The following ANKRD36 variants were observed in gnomAD, a reference collection of about 807,000 sequenced individuals.
The protein encoded by ANKRD36 is ankyrin repeat domain 36, also known as ankyrin repeat domain-containing protein 36A.
A neutral mutation model predicts 278.1 loss-of-function variants in ANKRD36; 179 were observed. The ratio of observed to expected loss-of-function variants is 0.64; its 90% CI spans 0.57 to 0.73. The LOEUF is 0.73. Ranked by LOEUF, ANKRD36 falls within the 30% of genes least tolerant of loss-of-function variation. The pLI is 0.00. For missense variants in ANKRD36, 1,159 were observed against 1,956.7 expected (o/e 0.59, Z 7.69); for synonymous variants, 320 against 641.1 (o/e 0.50, Z 7.57).
chr2:97,259,016 G>A (rs1294160384), intron 75 of ANKRD36, among the ~76,000 whole-genome samples: 1 of 144,296 alleles, frequency 6.9e-6, no homozygotes, highest in African/African-American at 2.4e-5. Context: ...TGGGTTGTTT[G>A]ATTGAGTCCC....
Position 97,193,056 on chromosome 2 carries a change from A to C in ANKRD36, c.2449+3A>C. On this transcript the variant is annotated splice_donor_region_variant and intron_variant, in intron 38 of 75. Coordinates refer to ENST00000420699, the MANE Select transcript of ANKRD36 (RefSeq NM_001354587.1). The stretch of plus-strand genomic sequence containing the variant: ...GGATGGAGAAAAATCTAGGACAGGT[A>C]ATTTTGAAAAGAGATTTAATGTCAT... 9.1e-6 allele frequency: 14 copies of C among 1,545,278 alleles called. No homozygotes were observed. The highest frequency in any genetic ancestry group is 1.1e-5 in the Non-Finnish European group (13 of 1,143,764).
intron 64 of ANKRD36, among the ~76,000 whole-genome samples, chr2:97,218,119 T>TA (rs1473889388): frequency 6.6e-6 from 1 of 151,166 alleles, no homozygotes; most frequent in African/African-American, 2.4e-5. Context: ...TATGAATATT[T>TA]AGTTTTTTTC....
chr2:97,170,797 C>T (rs373272575), intron 22 of ANKRD36, among the ~76,000 whole-genome samples: 1 of 151,628 alleles, frequency 6.6e-6, no homozygotes, highest in Admixed American at 6.6e-5. Flanking sequence ...TTGCAACCTA[C>T]TCATCTGACA....
intron 6 of ANKRD36, among the ~76,000 whole-genome samples, chr2:97,141,667 A>G (rs140636580): frequency 0.58 from 78,607 of 136,368 alleles, 26,173 homozygotes; most frequent in Non-Finnish European, 0.77. Flanking sequence ...TAGTTATTCA[A>G]ATGAAATAAA....
intron 6 of ANKRD36, among the ~76,000 whole-genome samples, chr2:97,137,580 CAT>C (rs1046202431): frequency 8.8e-5 from 9 of 101,734 alleles, no homozygotes; most frequent in South Asian, 2.4e-4. Flanking sequence ...AGCCACTGTA[CAT>C]ATATATATAT....
intron 34 of ANKRD36, among the ~76,000 whole-genome samples, chr2:97,190,442 A>T (rs1486392405): frequency 6.6e-6 from 1 of 150,558 alleles, no homozygotes; most frequent in African/African-American, 2.4e-5. Flanking sequence ...GCAAACAGAT[A>T]TCCAAGGTGA....
intron 1 of ANKRD36, among the ~76,000 whole-genome samples, chr2:97,114,480 C>G (rs1400272988): frequency 7.6e-6 from 1 of 131,352 alleles, no homozygotes; most frequent in Non-Finnish European, 1.6e-5. Context: ...CAGCTGGTTT[C>G]CAATCACTCA....
In ANKRD36 at chr2:97,181,638, C is replaced by A. The variant is rs1238958690; in HGVS notation, c.1764+12C>A. On this transcript the variant is annotated intron_variant, in intron 25 of 75. Transcript: ENST00000420699. ...AACCAGCTGAGAAGGTAATTAAAGT[C>A]TCATTTATATGTTGAACTATTAACT... 2.5e-6 allele frequency: 4 copies of A among 1,602,462 alleles called. No homozygotes were observed. The Admixed American group carries it at 6.7e-5, about 27-fold the overall frequency.
chr2:97,220,789 T>TTTTTTTA (rs2067376044), intron 66 of ANKRD36, among the ~76,000 whole-genome samples: 1 of 127,152 alleles, frequency 7.9e-6, no homozygotes, highest in Non-Finnish European at 1.6e-5. Flanking sequence ...TTTTTTTTTT[T>TTTTTTTA]ATTATACTCT....
chr2:97,113,803 G>T lies in ANKRD36; in HGVS notation c.64G>T (p.Ala22Ser), dbSNP rs769807920. The T allele has an allele frequency of 2.2e-5, 35 of 1,612,826 alleles. No individual in the cohort carries two copies. The highest frequency in any genetic ancestry group is 1.2e-4 in the South Asian group (11 of 90,918). Residue 22 changes from alanine to serine, a missense_variant, in exon 1 of 76, where the codon GCA becomes TCA. Physicochemically the swap from Ala to Ser is moderately conservative, Grantham distance 99. Transcript: ENST00000420699. ...GGAGCGCTTGTGCTCGGATGGCTTC[G>T]CATTTCCCCAATACCCCATTAAACC... is the stretch of plus-strand genomic sequence containing the variant. ...LMERLCSDGF[A>S]FPQYPIKPYH...
intron 52 of ANKRD36, 22 bp downstream of exon 52, chr2:97,206,157 A>T (rs2062795348): frequency 6.6e-7 from 1 of 1,522,118 alleles, no homozygotes; most frequent in African/African-American, 1.4e-5. Flanking sequence ...AACAGATTTA[A>T]TGCCATGTTC....
intron 20 of ANKRD36, 118 bp downstream of exon 20, chr2:97,164,587 T>C: frequency 9.0e-7 from 1 of 1,108,118 alleles, no homozygotes; most frequent in South Asian, 1.5e-5. Flanking sequence ...GATGTAAATA[T>C]GCTGATGTTC....
At chr2:97,176,259 A>G (rs2054213495) in intron 22 of ANKRD36, among the ~76,000 whole-genome samples, 2 of 151,162 alleles carry the variant, frequency 1.3e-5, no homozygotes, top group African/African-American at 4.8e-5. Context: ...GTGGGAGTCT[A>G]AGTCTCTTTG....
intron 56 of ANKRD36, among the ~76,000 whole-genome samples, chr2:97,210,840 G>T (rs1355406013): frequency 6.6e-6 from 1 of 151,836 alleles, no homozygotes; most frequent in Non-Finnish European, 1.5e-5. Context: ...TGTCAAAGTT[G>T]ATAATTGATG....
chr2:97,154,101 C>G (rs1008118962), intron 14 of ANKRD36, among the ~76,000 whole-genome samples: 3 of 147,240 alleles, frequency 2.0e-5, no homozygotes, highest in African/African-American at 7.3e-5. Flanking sequence ...CAAACATTTG[C>G]AGTGTTTCAG....
chr2:97,200,730 T>C (rs571508795), intron 46 of ANKRD36, among the ~76,000 whole-genome samples: 1 of 151,982 alleles, frequency 6.6e-6, no homozygotes, highest in East Asian at 2.0e-4. Flanking sequence ...ATCCCCACAT[T>C]ACAATTGGGA....
At chr2:97,167,145 G>A (rs2050975707) in intron 20 of ANKRD36, among the ~76,000 whole-genome samples, 1 of 151,928 alleles carries the variant, frequency 6.6e-6, no homozygotes, top group Non-Finnish European at 1.5e-5. Flanking sequence ...AACACCAGAA[G>A]CGTGCATGAC....
chr2:97,185,264 T>A (rs1017166715), intron 28 of ANKRD36, 52 bp from the exon 29 acceptor site: 11 of 1,564,640 alleles, frequency 7.0e-6, no homozygotes, highest in Non-Finnish European at 9.7e-6. Flanking sequence ...AATGTATAGA[T>A]AACTTTATCA....
chr2:97,116,666 A>C (rs1448101659), intron 1 of ANKRD36, among the ~76,000 whole-genome samples: 1 of 152,056 alleles, frequency 6.6e-6, no homozygotes, highest in African/African-American at 2.4e-5. Context: ...TGATTATTTT[A>C]TTATGCATAG....
Sources: allele counts gnomAD v4.1 joint callset (sites outside exome capture counted in the v4.1 genomes callset), GRCh38; gene constraint gnomAD v4.1.1; transcripts MANE v1.5; gene names NCBI Gene and HGNC (gene_info 2026-07-23, HGNC 2026-07-21).